The following SDK1 variants were observed in gnomAD, a reference collection of about 807,000 sequenced individuals.
SDK1 encodes sidekick cell adhesion molecule 1, also known as protein sidekick-1.
SDK1 carries 157 observed loss-of-function variants against 245.5 expected under a neutral mutation model. The observed-to-expected ratio is 0.64, with a 90% CI of 0.56 to 0.73. The LOEUF (loss-of-function observed/expected upper bound fraction) is 0.73. Among genes scored for constraint, SDK1 ranks in the 30% least tolerant of loss-of-function variants. SDK1 has a pLI of 0.00. For synonymous variants in SDK1, 1,647 were observed against 1,278.5 expected (o/e 1.29, Z -6.15); for missense variants, 3,583 against 3,002.3 (o/e 1.19, Z -4.52).
intron 1 of SDK1, among the ~76,000 whole-genome samples, chr7:3,550,836 G>A (rs1445580973): frequency 1.3e-5 from 2 of 152,086 alleles, no homozygotes; most frequent in Non-Finnish European, 2.9e-5. Flanking sequence ...TCTAGAAAAT[G>A]TTTTTACTGT....
At chr7:4,189,072 C>T (rs1456617831) in intron 35 of SDK1, among the ~76,000 whole-genome samples, 1 of 152,034 alleles carries the variant, frequency 6.6e-6, no homozygotes, top group African/African-American at 2.4e-5. Context: ...AAAGCAAATG[C>T]TCCTGGGATT....
chr7:3,353,437 TAAAA>T (rs150015376), intron 1 of SDK1, among the ~76,000 whole-genome samples: 3,358 of 152,142 alleles, frequency 0.022, 133 homozygotes, highest in African/African-American at 0.076. Context: ...CCATAATTTC[TAAAA>T]AAAATTCAAA....
At chr7:4,000,084 G>A (rs1164634059) in intron 14 of SDK1, among the ~76,000 whole-genome samples, 1 of 152,222 alleles carries the variant, frequency 6.6e-6, no homozygotes, top group Non-Finnish European at 1.5e-5. Context: ...CCTGGAGCAG[G>A]AAGGTGGTCA....
chr7:4,066,310 C>T (rs929034959), intron 19 of SDK1, among the ~76,000 whole-genome samples: 9 of 152,166 alleles, frequency 5.9e-5, no homozygotes, highest in Non-Finnish European at 1.3e-4. Context: ...GCAGGGCCAA[C>T]CCGGGCAGCT....
Position 3,784,690 on chromosome 7 carries a change from G to A in SDK1, c.714-36760G>A, listed in dbSNP as rs10230369. ...ACATCTCACACCTGTCAGAATAGCT[G>A]TTTTCAAAAAGACAATATAACATGT... On this transcript the variant is annotated intron_variant, in intron 4 of 44. Transcript: ENST00000404826. Among the ~76,000 whole-genome samples, 851 of 152,226 alleles carry A rather than the reference G, an allele frequency of 5.6e-3. 9 individuals are homozygous for A. Among genetic ancestry groups the A allele is most frequent in the African/African-American group, 0.02 (818 of 41,550 alleles).
intron 1 of SDK1, among the ~76,000 whole-genome samples, chr7:3,549,515 C>T (rs73296250): frequency 0.014 from 2,174 of 152,254 alleles, 41 homozygotes; most frequent in African/African-American, 0.042. Context: ...TTATGTCTTA[C>T]AGTATTCAGT....
chr7:3,676,314 T>C (rs1043551996), intron 4 of SDK1, among the ~76,000 whole-genome samples: 1 of 142,456 alleles, frequency 7.0e-6, no homozygotes, highest in Admixed American at 7.2e-5. Flanking sequence ...ACCTGGCCTC[T>C]TCTAGTACTT....
chr7:3,978,115 A>G (rs951364464), intron 13 of SDK1, among the ~76,000 whole-genome samples: 4 of 151,702 alleles, frequency 2.6e-5, no homozygotes, highest in Admixed American at 6.6e-5. Flanking sequence ...TTGATAATAT[A>G]GGAGGATATG....
intron 5 of SDK1, among the ~76,000 whole-genome samples, chr7:3,860,982 G>C (rs1327986909): frequency 6.6e-6 from 1 of 152,076 alleles, no homozygotes; most frequent in Non-Finnish European, 1.5e-5. Flanking sequence ...TCAGTCTTCT[G>C]GGCAGCTGTC....
rs559363754 is a variant in SDK1, at chr7:4,114,404, C to T, written c.3823+130C>T. On this transcript the variant is annotated intron_variant, in intron 25 of 44. Coordinates refer to ENST00000404826, the MANE Select transcript of SDK1 (RefSeq NM_152744.4). Reference sequence around the variant, plus strand: ...CACTTGTGTCTGTCTTGGAGCTTTCCTAATCCCGGGTTTGGCCAGACTCGG... The same window carrying T: ...CACTTGTGTCTGTCTTGGAGCTTTCTTAATCCCGGGTTTGGCCAGACTCGG... The T allele has an allele frequency of 4.2e-5, 31 of 736,702 alleles. No homozygotes were observed. In the Middle Eastern group the frequency reaches 1.6e-3, roughly 38 times the overall value. 45.6% of individuals were successfully genotyped at this position (736,702 alleles called of 1,614,324 possible). A position where few individuals can be genotyped will look rare whatever the true frequency, so the allele number is the denominator to read the frequency against.
intron 22 of SDK1, among the ~76,000 whole-genome samples, chr7:4,084,095 C>G (rs571856462): frequency 1.3e-5 from 2 of 152,280 alleles, no homozygotes; most frequent in East Asian, 3.9e-4. Flanking sequence ...CCTCATTTAG[C>G]TGTTGGAACT....
chr7:4,254,181 G>GTGTTTTTGTTTT (rs548035861), intron 44 of SDK1, among the ~76,000 whole-genome samples: 2 of 151,748 alleles, frequency 1.3e-5, no homozygotes, highest in East Asian at 3.9e-4. Context: ...ATTACTTTGA[G>GTGTTTTTGTTTT]TGTTTTTGTT....
intron 5 of SDK1, among the ~76,000 whole-genome samples, chr7:3,826,859 T>G (rs1005402611): frequency 2.0e-5 from 3 of 152,146 alleles, no homozygotes; most frequent in African/African-American, 4.8e-5. Flanking sequence ...ATTTCGTTTC[T>G]GCGCCCCAAA....
At chr7:3,584,795 C>A (rs1780629026) in intron 1 of SDK1, among the ~76,000 whole-genome samples, 1 of 151,334 alleles carries the variant, frequency 6.6e-6, no homozygotes, top group African/African-American at 2.4e-5. Flanking sequence ...GCGATCTGGG[C>A]TCACTTCAAG....
At chr7:3,334,526 C>G (rs368902433) in intron 1 of SDK1, among the ~76,000 whole-genome samples, 6 of 152,030 alleles carry the variant, frequency 3.9e-5, no homozygotes, top group African/African-American at 1.5e-4. Flanking sequence ...CTGAGGCTCT[C>G]GGAGGTGGAT....
chr7:4,232,411 C>CTTTTTTTTTTTTTTTTT (rs71032930), intron 40 of SDK1, among the ~76,000 whole-genome samples: 4 of 98,780 alleles, frequency 4.0e-5, no homozygotes, highest in South Asian at 3.8e-4. Context: ...TCTTTTCTTT[C>CTTTTTTTTTTTTTTTTT]TTTTTTTTTT....
intron 1 of SDK1, among the ~76,000 whole-genome samples, chr7:3,389,419 A>AC (rs978860814): frequency 2.6e-5 from 4 of 152,192 alleles, no homozygotes; most frequent in African/African-American, 2.4e-5. Flanking sequence ...AGAAAATGCT[A>AC]CACCTCTGGT....
At chr7:3,832,078 A>G (rs1055085656) in intron 5 of SDK1, among the ~76,000 whole-genome samples, 3 of 152,122 alleles carry the variant, frequency 2.0e-5, no homozygotes, top group Non-Finnish European at 4.4e-5. Flanking sequence ...TAATCATAAT[A>G]ACCACCATTT....
chr7:3,631,861 C>T (rs1036767112), intron 2 of SDK1, among the ~76,000 whole-genome samples: 5 of 152,160 alleles, frequency 3.3e-5, no homozygotes, highest in East Asian at 1.9e-4. Flanking sequence ...CAAATACTCC[C>T]GAGTGAGACA....
Sources: allele counts gnomAD v4.1 joint callset (sites outside exome capture counted in the v4.1 genomes callset), GRCh38; gene constraint gnomAD v4.1.1; transcripts MANE v1.5; gene names NCBI Gene and HGNC (gene_info 2026-07-23, HGNC 2026-07-21).